The following CD163L1 variants were observed in gnomAD, a reference collection of about 807,000 sequenced individuals.
CD163L1 encodes scavenger receptor cysteine-rich type 1 protein M160.
CD163L1 carries 124 observed loss-of-function variants against 165.4 expected under a neutral mutation model. The observed-to-expected ratio is 0.75, with a 90% confidence interval of 0.65 to 0.87. The LOEUF (loss-of-function observed/expected upper bound fraction) is 0.87, where lower values mean the gene tolerates loss of function less well. CD163L1 is among the 40% of genes least tolerant of loss of function. The pLI, the probability that CD163L1 is intolerant of heterozygous loss-of-function variation, is 0.00. For missense variants in CD163L1, 1,525 were observed against 1,799.9 expected, an observed-to-expected ratio of 0.85 and a Z score of 2.76; for synonymous variants, 585 against 662.2, an observed-to-expected ratio of 0.88 and a Z score of 1.79.
downstream of CD163L1, among the ~76,000 whole-genome samples, chr12:7,344,586 CT>C (rs1395477113): frequency 6.6e-6 from 1 of 152,232 alleles, no homozygotes; most frequent in East Asian, 1.9e-4. Context: ...CACAACTGCA[CT>C]CAGCAGTGCC....
intron 4 of CD163L1, among the ~76,000 whole-genome samples, chr12:7,430,170 A>G (rs1237555943): frequency 6.6e-6 from 1 of 152,212 alleles, no homozygotes; most frequent in African/African-American, 2.4e-5. Context: ...ACTAATTTGT[A>G]TCTTTATTTC....
intron 1 of CD163L1, among the ~76,000 whole-genome samples, chr12:7,442,878 T>A (rs1229951300): frequency 6.6e-6 from 1 of 152,170 alleles, no homozygotes; most frequent in Non-Finnish European, 1.5e-5. Flanking sequence ...AATCAAGATC[T>A]GATGAACGTG....
the CD163L1 span, among the ~76,000 whole-genome samples, chr12:7,331,616 G>A: frequency 6.6e-6 from 1 of 152,212 alleles, no homozygotes; most frequent in Non-Finnish European, 1.5e-5. Context: ...AGCAGCATTT[G>A]CGGTTCACCA....
chr12:7,332,617 G>C, the CD163L1 span, among the ~76,000 whole-genome samples: 3 of 152,188 alleles, frequency 2.0e-5, no homozygotes, highest in African/African-American at 7.2e-5. Flanking sequence ...GAAGAGAGTG[G>C]GGGCCAATAT....
intron 8 of CD163L1, among the ~76,000 whole-genome samples, chr12:7,381,034 T>A (rs936639202): frequency 2.0e-5 from 3 of 152,158 alleles, no homozygotes; most frequent in Admixed American, 2.0e-4. Context: ...AATGTAATAC[T>A]TCTTTATCTA....
chr12:7,440,038 C>A, intron 2 of CD163L1: 1 of 1,277,136 alleles, frequency 7.8e-7, no homozygotes, highest in Non-Finnish European at 1.1e-6. Context: ...ACACACACCC[C>A]AGCAGCTCCT....
chr12:7,342,480 T>A (rs1021071303), downstream of CD163L1, among the ~76,000 whole-genome samples: 5 of 152,230 alleles, frequency 3.3e-5, no homozygotes, highest in African/African-American at 1.2e-4. Flanking sequence ...GGCAAATCTC[T>A]GTTCGAGGCT....
intron 8 of CD163L1, among the ~76,000 whole-genome samples, chr12:7,384,941 G>C (rs2136459654): frequency 6.6e-6 from 1 of 151,538 alleles, no homozygotes; most frequent in Admixed American, 6.6e-5. Context: ...AGAAAATAAA[G>C]GATATATAAA....
chr12:7,439,709 T>C, intron 2 of CD163L1: 1 of 1,611,636 alleles, frequency 6.2e-7, no homozygotes, highest in Non-Finnish European at 8.5e-7. Flanking sequence ...TCCAGGTGAG[T>C]CTCGGGCTCC....
chr12:7,409,931 GAC>G (rs1170330362), intron 4 of CD163L1, among the ~76,000 whole-genome samples: 5 of 152,018 alleles, frequency 3.3e-5, no homozygotes, highest in Non-Finnish European at 7.4e-5. Context: ...AGGAAAAAAA[GAC>G]ACAATCAACA....
chr12:7,318,879 C>G, the CD163L1 span, among the ~76,000 whole-genome samples: 1 of 152,170 alleles, frequency 6.6e-6, no homozygotes, highest in Non-Finnish European at 1.5e-5. Flanking sequence ...GCTAAATGGT[C>G]TGACAAGATG....
At chr12:7,424,864 T>C (rs1401793747) in intron 4 of CD163L1, among the ~76,000 whole-genome samples, 1 of 152,184 alleles carries the variant, frequency 6.6e-6, no homozygotes, top group Non-Finnish European at 1.5e-5. Context: ...AAACATTCAA[T>C]GCTCATGGAT....
intron 8 of CD163L1, among the ~76,000 whole-genome samples, chr12:7,382,948 G>T (rs1565785881): frequency 6.6e-6 from 1 of 152,156 alleles, no homozygotes; most frequent in Non-Finnish European, 1.5e-5. Flanking sequence ...TGGGAAATGG[G>T]TAGTTCACAG....
rs1030904245 is a variant in CD163L1, at chr12:7,431,904, G to A, written c.766+512C>T. Among the ~76,000 whole-genome samples, 7 of 152,282 alleles carry A rather than the reference G, an allele frequency of 4.6e-5. No individual in the cohort carries two copies. In the East Asian group the frequency reaches 9.6e-4, roughly 21 times the overall value. On this transcript the variant is annotated intron_variant, in intron 4 of 19. Coordinates refer to ENST00000313599, the MANE Select transcript of CD163L1 (RefSeq NM_174941.6). ...GGTTCGGGTACATTTTGGACCCTTCGTAGCACACGGATATATGTATCTAGA... is the reference window on the plus strand; with the variant it reads ...GGTTCGGGTACATTTTGGACCCTTCATAGCACACGGATATATGTATCTAGA...
the CD163L1 span, among the ~76,000 whole-genome samples, chr12:7,335,660 G>T: frequency 6.6e-6 from 1 of 152,276 alleles, no homozygotes; most frequent in South Asian, 2.1e-4. Flanking sequence ...TGACAAATGG[G>T]ATCTAATTAA....
chr12:7,380,391 G>A (rs750755063), intron 8 of CD163L1, among the ~76,000 whole-genome samples: 3 of 138,990 alleles, frequency 2.2e-5, no homozygotes, highest in South Asian at 2.5e-4. Flanking sequence ...GTGTGTATAT[G>A]CGTATACACA....
chr12:7,347,575 C>CGAGACCACGTT lies in CD163L1; in HGVS notation c.*25-439_*25-429dup, dbSNP rs1255970273. Among the ~76,000 whole-genome samples, 1 of 151,882 alleles carries CGAGACCACGTT rather than the reference C, an allele frequency of 6.6e-6. No homozygotes were observed. The highest frequency in any genetic ancestry group is 1.9e-4 in the East Asian group (1 of 5,158). On this transcript the variant is annotated intron_variant, in intron 4 of 4. Coordinates refer to the CD163L1 transcript ENST00000539726. The surrounding 1 kb of genome is among the most constrained non-coding windows in gnomAD (Gnocchi z 4.2). ...CAGGTGGATCACGAGGTCAGGAGATCGAGACCACGTTGAAACCCCGTCTCT... is the reference window on the plus strand; with the variant it reads ...CAGGTGGATCACGAGGTCAGGAGATCGAGACCACGTTGAGACCACGTTGAAACCCCGTCTCT...
chr12:7,440,117 C>T, intron 2 of CD163L1: 1 of 755,660 alleles, frequency 1.3e-6, no homozygotes, highest in South Asian at 1.7e-5. Flanking sequence ...GGGCTTGGAC[C>T]CGCCGCGCCA....
chr12:7,321,176 C>T, the CD163L1 span, among the ~76,000 whole-genome samples: 1 of 151,932 alleles, frequency 6.6e-6, no homozygotes. Context: ...AGAACTCCCA[C>T]TCAAAAAAAA....
Sources: allele counts gnomAD v4.1 joint callset (sites outside exome capture counted in the v4.1 genomes callset), GRCh38; gene constraint gnomAD v4.1.1; non-coding constraint Gnocchi (gnomAD v3.1); transcripts MANE v1.5; gene names NCBI Gene and HGNC (gene_info 2026-07-23, HGNC 2026-07-21).